Variants in EIF3B observed in about 807,000 individuals in gnomAD.
The protein encoded by EIF3B is eukaryotic translation initiation factor 3 subunit 9.
Under a neutral mutation model 104.6 loss-of-function variants are expected in EIF3B, and 10 were observed. The observed-to-expected ratio is 0.10, with a 90% CI of 0.06 to 0.16. EIF3B has a LOEUF of 0.16. Among genes scored for constraint, EIF3B ranks in the 10% least tolerant of loss-of-function variants. The pLI is 1.00. For synonymous variants in EIF3B, 542 were observed against 417.2 expected, an observed-to-expected ratio of 1.30 and a Z score of -3.65; for missense variants, 1,014 against 1,087.9, an observed-to-expected ratio of 0.93 and a Z score of 0.96.
chr7:2,375,509 G>T lies in EIF3B; in HGVS notation c.2010G>T (p.Val670=), dbSNP rs1362038450. ...CTGGGCGCTACGTCGTCACCTCTGT[G>T]TCCTGGTGGAGCCATAAGGTGCAGG... The part of the protein sequence containing the change: ...DPTGRYVVTS[V]SWWSHKVDNA... The change falls in exon 14 of 19, where the codon GTG becomes GTT. Residue 670 remains valine (V), a synonymous_variant. Transcript: ENST00000360876. 6.2e-7 allele frequency: 1 copy of T among 1,614,126 alleles called. No homozygotes were observed. The highest frequency in any genetic ancestry group is 2.2e-5 in the East Asian group (1 of 44,904).
At chr7:2,366,868 T>C in intron 8 of EIF3B, 131 bp from the exon 9 acceptor site, 1 of 999,988 alleles carries the variant, frequency 1.0e-6, no homozygotes, top group Non-Finnish European at 1.5e-6. Flanking sequence ...GGGTTCACTG[T>C]CACGCTCTGT....
intron 15 of EIF3B, 67 bp from the exon 16 acceptor site, chr7:2,378,620 ACT>A: frequency 7.0e-7 from 1 of 1,421,342 alleles, no homozygotes; most frequent in African/African-American, 1.4e-5. Flanking sequence ...CATGTTGGCA[ACT>A]CTGAAGATTG....
rs775152350 is a variant in EIF3B at position 2,366,979 on chromosome 7, C to T, written c.1357-20C>T. 6.2e-7 allele frequency: 1 copy of T among 1,609,734 alleles called. No individual in the cohort carries two copies. The highest frequency in any genetic ancestry group is 8.5e-7 in the Non-Finnish European group (1 of 1,178,756). ...CTGACATGATTTGACTCAACTGCAG[C>T]CTTCCTTTTTTTTGGGCAGTCTATG... On this transcript the variant is annotated intron_variant, in intron 8 of 18. Transcript: ENST00000360876.
intron 15 of EIF3B, 103 bp from the exon 16 acceptor site, chr7:2,378,586 T>G (rs1780819740): frequency 1.0e-6 from 1 of 995,342 alleles, no homozygotes; most frequent in East Asian, 2.5e-5. Flanking sequence ...AGCTGTGTTC[T>G]GTGAATGGCT....
In EIF3B at chr7:2,379,337, C is replaced by T. The variant is rs566166312; in HGVS notation, c.2342-57C>T. 67 of 1,551,094 alleles carry T rather than the reference C, an allele frequency of 4.3e-5. 1 individual carries two copies. Among genetic ancestry groups the T allele is most frequent in the East Asian group, 4.0e-4 (17 of 42,220 alleles). On this transcript the variant is annotated intron_variant, in intron 17 of 18. Coordinates refer to ENST00000360876, the MANE Select transcript of EIF3B (RefSeq NM_001037283.2). ...CTCCTGCGTTCCTTCCCACTGGCCTCGGCGGTGCCACTAGGCATGTGCCCC... is the reference window on the plus strand; with the variant it reads ...CTCCTGCGTTCCTTCCCACTGGCCTTGGCGGTGCCACTAGGCATGTGCCCC...
chr7:2,356,638 T>G (rs905383367), intron 1 of EIF3B, among the ~76,000 whole-genome samples: 18 of 148,970 alleles, frequency 1.2e-4, no homozygotes, highest in Non-Finnish European at 2.1e-4. Context: ...AAAAAGGTTA[T>G]CAGAAATACA....
chr7:2,374,461 C>T, intron 12 of EIF3B, 67 bp from the exon 13 acceptor site: 1 of 1,515,948 alleles, frequency 6.6e-7, no homozygotes, highest in Non-Finnish European at 9.1e-7. Flanking sequence ...CCAAGTCCTC[C>T]AGCCTTGGCT....
rs757228282 is a variant in EIF3B at position 2,364,549 on chromosome 7, CAG to C, written c.1157+21_1157+22del. On this transcript the variant is annotated intron_variant, in intron 6 of 18. Coordinates refer to ENST00000360876, the MANE Select transcript of EIF3B (RefSeq NM_001037283.2). The stretch of plus-strand genomic sequence containing the variant: ...TGAAAGGTAAGCTGCTAGAAAAACA[CAG>C]GGGAGTCTATGCATTTCACCCCATG... The C allele has an allele frequency of 2.5e-5, 40 of 1,605,484 alleles. 1 individual carries two copies. The highest frequency in any genetic ancestry group is 2.5e-4 in the East Asian group (11 of 44,552).
chr7:2,367,824 A>ATTTTTTTTTTT (rs1562484073), intron 9 of EIF3B, among the ~76,000 whole-genome samples: 36 of 101,744 alleles, frequency 3.5e-4, no homozygotes, highest in African/African-American at 1.1e-3. Context: ...CTTTTTTTAA[A>ATTTTTTTTTTT]ATTTTTTTTT....
intron 11 of EIF3B, 179 bp downstream of exon 11, chr7:2,372,028 C>T (rs1583173234): frequency 1.7e-6 from 1 of 584,218 alleles, no homozygotes; most frequent in Admixed American, 3.0e-5. Flanking sequence ...ATAGTGAGAC[C>T]CTCTCTGTAC....
intron 9 of EIF3B, among the ~76,000 whole-genome samples, chr7:2,368,682 G>A (rs963391814): frequency 6.6e-5 from 10 of 152,226 alleles, no homozygotes; most frequent in African/African-American, 2.4e-4. Flanking sequence ...AGGGGACTCT[G>A]CTTAGGTGAA....
At chr7:2,365,626 CT>C (rs1779967124) in intron 6 of EIF3B, among the ~76,000 whole-genome samples, 1 of 150,520 alleles carries the variant, frequency 6.6e-6, no homozygotes, top group Non-Finnish European at 1.5e-5. Context: ...CCTGTGCTGG[CT>C]TTCGAACTGG....
Position 2,372,065 on chromosome 7 carries a change from G to C in EIF3B, c.1687+216G>C, listed in dbSNP as rs1780372819. 7.7e-6 allele frequency: 4 copies of C among 521,534 alleles called. No individual in the cohort carries two copies. In the South Asian group the frequency reaches 8.7e-5, roughly 11 times the overall value. The allele number at this position is 521,534 out of a possible 1,614,324, so 32.3% of individuals were successfully genotyped here. A position where few individuals can be genotyped will look rare whatever the true frequency, so the allele number is the denominator to read the frequency against. On this transcript the variant is annotated intron_variant, in intron 11 of 18. Coordinates refer to ENST00000360876, the MANE Select transcript of EIF3B (RefSeq NM_001037283.2). The stretch of plus-strand genomic sequence containing the variant: ...AAAAACAAATAAAAAAAATTAGCCA[G>C]GTGTGGTGGTGCGCACCGATAGTCC...
At chr7:2,377,850 A>ATGG (rs1277608842) in intron 15 of EIF3B, 4 of 52,620 alleles carry the variant, frequency 7.6e-5, no homozygotes, top group Admixed American at 1.5e-4. Context: ...CCTGGGTGTC[A>ATGG]AGGAGGAAGG....
In EIF3B at chr7:2,355,439, GGGCTGGCGAGCGGCGCGGGAGCGT is replaced by G. The variant is rs775230470; in HGVS notation, c.499+26_499+49del. 7.0e-5 allele frequency: 100 copies of G among 1,425,396 alleles called. No individual in the cohort carries two copies. The South Asian group carries it at 8.7e-4, about 12-fold the overall frequency. The allele number at this position is 1,425,396 out of a possible 1,614,324, so 88.3% of individuals were successfully genotyped here. A position where few individuals can be genotyped will look rare whatever the true frequency, so the allele number is the denominator to read the frequency against. Reference sequence around the variant, plus strand: ...GAGGAAGGTGAGGGCGCCCGGGGCGGGGCTGGCGAGCGGCGCGGGAGCGTGGCTGGGGTTCCCGAGGTGGGAGAT... The same window carrying G: ...GAGGAAGGTGAGGGCGCCCGGGGCGGGGCTGGGGTTCCCGAGGTGGGAGAT... On this transcript the variant is annotated intron_variant, in intron 1 of 18. Transcript: ENST00000360876.
chr7:2,370,056 C>T (rs1780241879), intron 10 of EIF3B, among the ~76,000 whole-genome samples: 1 of 152,070 alleles, frequency 6.6e-6, no homozygotes, highest in South Asian at 2.1e-4. Context: ...GGATTACAGG[C>T]GTGAGCCACC....
intron 12 of EIF3B, chr7:2,373,643 T>A (rs576013435): frequency 6.6e-6 from 1 of 152,320 alleles, no homozygotes; most frequent in South Asian, 2.1e-4. Flanking sequence ...GCTGTTTCAT[T>A]AATTCTGGTT....
rs758339172 is a variant in EIF3B at position 2,379,237 on chromosome 7, G to A, written c.2336G>A (p.Arg779Gln). The change falls in exon 17 of 19, where the codon CGA (arginine) becomes CAA (glutamine). Residue 779 changes from arginine to glutamine, a missense_variant. Physicochemically the swap from Arg to Gln is conservative, Grantham distance 43. Around this residue, in one of 4 missense-constraint regions of EIF3B, gnomAD observed 266 missense variants for 324.0 expected, o/e 0.82. Transcript: ENST00000360876. The stretch of plus-strand genomic sequence containing the variant: ...CAGAAAAACGAGCGCCTGGAGTTGC[G>A]AGGAGGTAACTTAGAGATCCCTCAG... ...MEQKNERLELRGGVDTDELDS... is the reference protein window; with the variant it reads ...MEQKNERLELQGGVDTDELDS... 1.2e-6 allele frequency: 2 copies of A among 1,611,404 alleles called. No homozygotes were observed. The highest frequency in any genetic ancestry group is 1.7e-5 in the Admixed American group (1 of 59,698).
At position 2,380,462 on chromosome 7, in the gene EIF3B, T is replaced by G. The variant is rs1804774; in HGVS notation, c.*273T>G. ...ATTTAAGGCACCCGCTTCCACTTCT[T>G]TCTTGTTTGGAGTTTTCTGTTGGAA... On this transcript the variant is annotated 3_prime_UTR_variant, in exon 19 of 19. Coordinates refer to ENST00000360876, the MANE Select transcript of EIF3B (RefSeq NM_001037283.2). The G allele has an allele frequency of 2.0e-6, 1 of 508,262 alleles. No individual in the cohort carries two copies. Among genetic ancestry groups the G allele is most frequent in the Non-Finnish European group, 3.9e-6 (1 of 254,914 alleles). The allele number at this position is 508,262 out of a possible 1,614,324, so 31.5% of individuals were successfully genotyped here.
Sources: allele counts gnomAD v4.1 joint callset (sites outside exome capture counted in the v4.1 genomes callset), GRCh38; gene constraint gnomAD v4.1.1; regional missense constraint gnomAD v4.1.1; transcripts MANE v1.5; gene names NCBI Gene and HGNC (gene_info 2026-07-23, HGNC 2026-07-21).